BACH2: variants seen among roughly 807,000 people sequenced by gnomAD.
BACH2 encodes transcription regulator protein BACH2.
A neutral mutation model predicts 61.8 loss-of-function variants in BACH2; 5 were observed. The ratio of observed to expected loss-of-function variants is 0.08; its 90% confidence interval spans 0.04 to 0.17. The LOEUF is 0.17. Among genes scored for constraint, BACH2 ranks in the 10% least tolerant of loss-of-function variants. BACH2 has a pLI of 1.00. For synonymous variants in BACH2, 446 were observed against 440.1 expected (o/e 1.01, Z -0.17); for missense variants, 824 against 1,091.1 (o/e 0.76, Z 3.45).
chr6:90,098,690 G>T (rs1251096394), intron 4 of BACH2, among the ~76,000 whole-genome samples: 3 of 152,190 alleles, frequency 2.0e-5, no homozygotes, highest in Non-Finnish European at 4.4e-5. Flanking sequence ...AAAATCTCTT[G>T]TAAAAGAACT....
intron 4 of BACH2, among the ~76,000 whole-genome samples, chr6:90,192,578 C>T (rs1426835877): frequency 3.3e-5 from 5 of 152,102 alleles, no homozygotes; most frequent in South Asian, 2.1e-4. Context: ...TCCTTTTCTC[C>T]CTCTTGGAAA....
intron 4 of BACH2, among the ~76,000 whole-genome samples, chr6:90,114,741 C>T (rs562760815): frequency 2.4e-4 from 37 of 152,244 alleles, no homozygotes; most frequent in African/African-American, 8.7e-4. Flanking sequence ...TGTTTGCAAA[C>T]AACATGATTC....
chr6:90,085,293 C>T (rs1457826293), intron 5 of BACH2, among the ~76,000 whole-genome samples: 2 of 152,134 alleles, frequency 1.3e-5, no homozygotes, highest in Middle Eastern at 3.2e-3. Context: ...TTTTCTACTG[C>T]GCTGGAATCT....
intron 4 of BACH2, among the ~76,000 whole-genome samples, chr6:90,180,081 G>C (rs1238019248): frequency 6.6e-6 from 1 of 152,104 alleles, no homozygotes; most frequent in Non-Finnish European, 1.5e-5. Flanking sequence ...ATGTTTAACA[G>C]GGAATTCTAA....
rs111985387 is a variant in BACH2, at chr6:89,986,219, G to GTTT, written c.243+22380_243+22382dup. Among the ~76,000 whole-genome samples the GTTT allele has an allele frequency of 1.2e-3, 166 of 140,334 alleles. 2 individuals are homozygous for GTTT. Among genetic ancestry groups the GTTT allele is most frequent in the African/African-American group, 3.3e-3 (127 of 38,084 alleles). The allele number at this position is 140,334 out of a possible 152,430, so 92.1% of individuals were successfully genotyped here. A position where few individuals can be genotyped will look rare whatever the true frequency, so the allele number is the denominator to read the frequency against. On this transcript the variant is annotated intron_variant, in intron 6 of 8. Transcript: ENST00000257749. ...TTTCGGTATGTGTGTTAAAGTCTGAGTTTTTTTTTTTTTTTTCCTGTGGGG... is the reference window on the plus strand; with the variant it reads ...TTTCGGTATGTGTGTTAAAGTCTGAGTTTTTTTTTTTTTTTTTTTCCTGTGGGG...
At chr6:90,164,360 C>T (rs902271879) in intron 4 of BACH2, among the ~76,000 whole-genome samples, 3 of 152,004 alleles carry the variant, frequency 2.0e-5, no homozygotes, top group African/African-American at 7.3e-5. Flanking sequence ...AAGACTAAAC[C>T]AGGAACAAGT....
intron 3 of BACH2, among the ~76,000 whole-genome samples, chr6:90,211,282 G>A (rs181482913): frequency 7.5e-4 from 114 of 152,242 alleles, no homozygotes; most frequent in Non-Finnish European, 1.2e-3. Flanking sequence ...ATGGCCAAGT[G>A]CCCCTCACCA....
At chr6:90,190,497 T>G (rs138715914) in intron 4 of BACH2, among the ~76,000 whole-genome samples, 1 of 152,220 alleles carries the variant, frequency 6.6e-6, no homozygotes, top group Non-Finnish European at 1.5e-5. Context: ...AGAAAAGCAG[T>G]TGTCTATAGT....
intron 4 of BACH2, among the ~76,000 whole-genome samples, chr6:90,123,563 G>C (rs1034294544): frequency 6.6e-6 from 1 of 151,818 alleles, no homozygotes. Context: ...GAGGTCAGGA[G>C]ATCGAGACCA....
rs144773819 is a variant in BACH2 at position 90,254,092 on chromosome 6, C to T, written c.-352-1502G>A. On this transcript the variant is annotated intron_variant, in intron 2 of 8. Transcript: ENST00000257749. Reference sequence around the variant, plus strand: ...GCAACAAATCACAACTAGCTGAGAACTGACATAAAAGAATGATCTCCAGGG... The same window carrying T: ...GCAACAAATCACAACTAGCTGAGAATTGACATAAAAGAATGATCTCCAGGG... 2.6e-5 allele frequency among the ~76,000 whole-genome samples: 4 copies of T among 151,748 alleles called. No individual in the cohort carries two copies. In the East Asian group the frequency reaches 7.7e-4, roughly 29 times the overall value.
intron 4 of BACH2, among the ~76,000 whole-genome samples, chr6:90,138,589 T>TA (rs574488870): frequency 2.1e-4 from 32 of 149,324 alleles, no homozygotes; most frequent in Admixed American, 3.3e-4. Context: ...GTCTTCTCCT[T>TA]AAAAAAAAAA....
chr6:90,111,469 C>T (rs1783168513), intron 4 of BACH2, among the ~76,000 whole-genome samples: 1 of 152,232 alleles, frequency 6.6e-6, no homozygotes, highest in Non-Finnish European at 1.5e-5. Flanking sequence ...GCCTGCAAGG[C>T]CCTGGCTGCC....
rs558869085 is a variant in BACH2, at chr6:90,156,519, G to A, written c.-162+50050C>T. 8.5e-5 allele frequency among the ~76,000 whole-genome samples: 13 copies of A among 152,304 alleles called. No individual in the cohort carries two copies. In the South Asian group the frequency reaches 2.7e-3, roughly 32 times the overall value. On this transcript the variant is annotated intron_variant, in intron 4 of 8. Coordinates refer to ENST00000257749, the MANE Select transcript of BACH2 (RefSeq NM_021813.4). Reference sequence around the variant, plus strand: ...CCCACTCTCATGGTTTACTTCAGGGGAGCATTGTACAAAAATGGGTGATTG... The same window carrying A: ...CCCACTCTCATGGTTTACTTCAGGGAAGCATTGTACAAAAATGGGTGATTG...
intron 4 of BACH2, among the ~76,000 whole-genome samples, chr6:90,091,969 T>C (rs1020098781): frequency 5.3e-5 from 8 of 152,074 alleles, no homozygotes; most frequent in African/African-American, 1.9e-4. Context: ...CATTCAGGTA[T>C]ATGCCTAAGT....
intron 4 of BACH2, among the ~76,000 whole-genome samples, chr6:90,091,361 T>C (rs573832981): frequency 6.6e-6 from 1 of 152,210 alleles, no homozygotes; most frequent in African/African-American, 2.4e-5. Flanking sequence ...GAGTGTTATA[T>C]AACACAAAAC....
At position 89,930,233 on chromosome 6, in the gene BACH2, T is replaced by TTG. The variant is rs1772568071; in HGVS notation, c.*2174_*2175insCA. ...AACTGTTTAAAAAGAAAAGCCTTTT[T>TTG]TTTTTTTTTTTTTTTTTTTTTATCC... On this transcript the variant is annotated 3_prime_UTR_variant, in exon 9 of 9. Transcript: ENST00000257749. 7.1e-6 allele frequency: 1 copy of TTG among 141,816 alleles called. No homozygotes were observed. The highest frequency in any genetic ancestry group is 2.6e-5 in the African/African-American group (1 of 37,758). 8.8% of individuals were successfully genotyped at this position (141,816 alleles called of 1,614,324 possible).
At chr6:90,180,016 T>C (rs1310181102) in intron 4 of BACH2, among the ~76,000 whole-genome samples, 1 of 152,128 alleles carries the variant, frequency 6.6e-6, no homozygotes, top group Non-Finnish European at 1.5e-5. Context: ...GCTTTATCAA[T>C]TGAATGAAGA....
At chr6:90,077,072 G>T (rs1781503599) in intron 5 of BACH2, among the ~76,000 whole-genome samples, 1 of 152,070 alleles carries the variant, frequency 6.6e-6, no homozygotes, top group African/African-American at 2.4e-5. Context: ...AATGAGCCCC[G>T]CCTGGCCAGT....
chr6:90,207,401 C>T (rs1769186466), intron 3 of BACH2, among the ~76,000 whole-genome samples: 1 of 152,144 alleles, frequency 6.6e-6, no homozygotes, highest in Non-Finnish European at 1.5e-5. Flanking sequence ...TTATGAGCCA[C>T]CATACCTGGC....
Sources: allele counts gnomAD v4.1 joint callset (sites outside exome capture counted in the v4.1 genomes callset), GRCh38; gene constraint gnomAD v4.1.1; transcripts MANE v1.5; gene names NCBI Gene and HGNC (gene_info 2026-07-23, HGNC 2026-07-21).